Variants in TCEANC observed in about 807,000 individuals in gnomAD.
TCEANC encodes the protein transcription elongation factor A N-terminal and central domain-containing protein.
TCEANC carries 8 observed loss-of-function variants against 8.7 expected under a neutral mutation model. That is an observed-to-expected ratio of 0.92 (90% CI 0.54 to 1.65). The LOEUF is 1.65. TCEANC is among the 40% of genes most tolerant of loss of function. The pLI, the probability that TCEANC is intolerant of heterozygous loss-of-function variation, is 0.00. For synonymous variants in TCEANC, 78 were observed against 92.9 expected, an observed-to-expected ratio of 0.84 and a Z score of 0.92; for missense variants, 255 against 251.9, an observed-to-expected ratio of 1.01 and a Z score of -0.08.
rs148168000 is a variant in TCEANC, at chrX:13,659,628, CTTTT to C, written c.-8-2858_-8-2855del. 1.3e-4 allele frequency: 11 copies of C among 83,979 alleles called. No individual in the cohort carries two copies. Among genetic ancestry groups the C allele is most frequent in the South Asian group, 1.1e-3 (2 of 1,834 alleles). The allele number at this position is 83,979 out of a possible 1,213,427, so 6.9% of individuals were successfully genotyped here. On this transcript the variant is annotated intron_variant, in intron 1 of 1. Transcript: ENST00000380600. ...AACATAAAATTTACTGTGTTAAGCC[CTTTT>C]TTTTTTTTTTTTTTGACAGAGTCTC...
intron 1 of TCEANC, among the ~76,000 whole-genome samples, chrX:13,656,732 T>A (rs1231375419): frequency 8.9e-6 from 1 of 112,744 alleles, no homozygotes; most frequent in Non-Finnish European, 1.9e-5. Context: ...ATAAACAAAA[T>A]GTGTTATGTA....
chrX:13,661,681 A>G (rs2045967288), intron 1 of TCEANC, among the ~76,000 whole-genome samples: 1 of 112,668 alleles, frequency 8.9e-6, no homozygotes, highest in Non-Finnish European at 1.9e-5. Flanking sequence ...GAGGGAAAAA[A>G]TAGACTGCAT....
At chrX:13,654,706 G>C (rs1274961533), upstream of TCEANC, among the ~76,000 whole-genome samples, 1 of 111,364 alleles carries the variant, frequency 9.0e-6, no homozygotes, top group African/African-American at 3.3e-5. Context: ...GCACAGAATG[G>C]TCAAGAAACT....
upstream of TCEANC, among the ~76,000 whole-genome samples, chrX:13,654,885 T>C (rs749990225): frequency 5.4e-5 from 6 of 111,182 alleles, no homozygotes; most frequent in Admixed American, 1.9e-4. Flanking sequence ...TTATTTGAAC[T>C]AGAATTTTTG....
At chrX:13,658,199 T>C (rs190837059) in intron 1 of TCEANC, among the ~76,000 whole-genome samples, 1 of 112,006 alleles carries the variant, frequency 8.9e-6, no homozygotes, top group East Asian at 2.8e-4. Flanking sequence ...GCAGGGATTT[T>C]CTTGGGGGGT....
At chrX:13,661,287 A>G (rs1408291236) in intron 1 of TCEANC, among the ~76,000 whole-genome samples, 165 bp downstream of exon 4, 2 of 112,500 alleles carry the variant, frequency 1.8e-5, no homozygotes, top group Non-Finnish European at 3.7e-5. Context: ...GGAGTGTGCC[A>G]TATTTTTAAC....
chrX:13,660,000 G>C (rs1183948233), intron 1 of TCEANC, among the ~76,000 whole-genome samples: 2 of 111,831 alleles, frequency 1.8e-5, no homozygotes, highest in Non-Finnish European at 3.8e-5. Flanking sequence ...TGGGTAGAAG[G>C]TGATTGATTC....
At chrX:13,657,741 T>C (rs184924191) in intron 1 of TCEANC, among the ~76,000 whole-genome samples, 1 of 103,869 alleles carries the variant, frequency 9.6e-6, no homozygotes, top group East Asian at 3.0e-4. Context: ...CCAGGAGGTG[T>C]AGATTGCAGT....
At position 13,657,827 on chromosome X, in the gene TCEANC, A is replaced by G. The variant is rs866769787; in HGVS notation, c.-9+2454A>G. 7.9e-3 allele frequency among the ~76,000 whole-genome samples: 648 copies of G among 82,019 alleles called. 4 individuals carry two copies. Among genetic ancestry groups the G allele is most frequent in the African/African-American group, 0.034 (610 of 18,102 alleles). 71.2% of individuals were successfully genotyped at this position (82,019 alleles called of 115,157 possible). On this transcript the variant is annotated intron_variant, in intron 1 of 1. Coordinates refer to ENST00000380600, the Ensembl canonical transcript of TCEANC. ...CATCTCAAAAAAAAAAAAAAAAAAA[A>G]CACACACACACTTGTACACAAATGT...
chrX:13,663,083 A>C (rs777769962), exon 2 of TCEANC: 1 of 1,210,010 alleles, frequency 8.3e-7, no homozygotes, highest in Non-Finnish European at 1.1e-6. Context: ...TCCACAGATC[A>C]ACCCAAAGCT....
rs1262443374 is a variant in TCEANC at position 13,663,193 on chromosome X, G to C, written c.685G>C (p.Ala229Pro). 4.1e-6 allele frequency: 5 copies of C among 1,205,011 alleles called. No individual in the cohort carries two copies. The African/African-American group carries it at 7.0e-5, about 17-fold the overall frequency. The change falls in exon 2 of 2, where the codon GCC (alanine) becomes CCC (proline). Residue 229 changes from alanine (A) to proline (P), a missense_variant. By Grantham distance (27) the Ala-to-Pro change is conservative (BLOSUM62 -1). Coordinates refer to ENST00000380600, the Ensembl canonical transcript of TCEANC. ...TAAAACTTGCATCAGAAGCAAAGTT[G>C]CCAATTTGAAGAACCCCAGAAATTC...
At chrX:13,655,511 G>A (rs1233905364) in intron 1 of TCEANC, 138 bp downstream of exon 2, 1 of 112,461 alleles carries the variant, frequency 8.9e-6, no homozygotes, top group Non-Finnish European at 1.9e-5. Flanking sequence ...GACTGAATGG[G>A]ACTCATCTAG....
chrX:13,663,871 C>T lies in TCEANC; in HGVS notation c.*307C>T, dbSNP rs146123445. The T allele has an allele frequency of 3.5e-4, 72 of 206,748 alleles. No homozygotes were observed. In the East Asian group the frequency reaches 6.1e-3, roughly 18 times the overall value. The allele number at this position is 206,748 out of a possible 1,213,427, so 17.0% of individuals were successfully genotyped here. A position where few individuals can be genotyped will look rare whatever the true frequency, so the allele number is the denominator to read the frequency against. Reference sequence around the variant, plus strand: ...TTCCCAGGCCTCACACCATTGAATCCGAATCTGCATTTTGACAGGATCCCC... The same window carrying T: ...TTCCCAGGCCTCACACCATTGAATCTGAATCTGCATTTTGACAGGATCCCC... On this transcript the variant is annotated 3_prime_UTR_variant, in exon 2 of 2. Transcript: ENST00000380600.
chrX:13,656,090 G>A (rs907420779), intron 1 of TCEANC, among the ~76,000 whole-genome samples: 5 of 112,561 alleles, frequency 4.4e-5, no homozygotes, highest in African/African-American at 1.6e-4. Flanking sequence ...GTACAGTGAA[G>A]GCAGTAAAGA....
At chrX:13,657,842 T>C (rs907563103) in intron 1 of TCEANC, among the ~76,000 whole-genome samples, 10 of 102,488 alleles carry the variant, frequency 9.8e-5, no homozygotes, top group African/African-American at 4.0e-4. Context: ...CACACACTTG[T>C]ACACAAATGT....
chrX:13,654,396 G>A (rs2045907577), upstream of TCEANC, among the ~76,000 whole-genome samples: 1 of 112,492 alleles, frequency 8.9e-6, no homozygotes, highest in African/African-American at 3.2e-5. Flanking sequence ...GTTATTTTCT[G>A]TATCTGCTGT....
chrX:13,663,483 C>A, exon 2 of TCEANC: 1 of 1,175,523 alleles, frequency 8.5e-7, no homozygotes, highest in Non-Finnish European at 1.1e-6. Context: ...GGAATTCAAA[C>A]CCAGATGAAC....
chrX:13,657,610 C>G (rs1007535279), intron 1 of TCEANC, among the ~76,000 whole-genome samples: 1 of 110,347 alleles, frequency 9.1e-6, no homozygotes, highest in African/African-American at 3.3e-5. Flanking sequence ...GAGTTCGAGA[C>G]CAGGCTGGCC....
At chrX:13,658,538 C>T (rs915399942) in intron 1 of TCEANC, among the ~76,000 whole-genome samples, 2 of 102,069 alleles carry the variant, frequency 2.0e-5, no homozygotes, top group African/African-American at 7.4e-5. Flanking sequence ...AGTTATTGGT[C>T]TAATATAATT....
Sources: allele counts gnomAD v4.1 joint callset (sites outside exome capture counted in the v4.1 genomes callset), GRCh38; gene constraint gnomAD v4.1.1; transcripts MANE v1.5; gene names NCBI Gene and HGNC (gene_info 2026-07-23, HGNC 2026-07-21).